Variants in EAF2 observed in about 807,000 individuals in gnomAD.
EAF2 encodes the protein ELL associated factor 2.
EAF2 carries 29 observed loss-of-function variants against 29.4 expected under a neutral mutation model. That is an observed-to-expected ratio of 0.99 (90% CI 0.73 to 1.35). The LOEUF is 1.35. Among genes scored for constraint, EAF2 ranks in the 40% most tolerant of loss-of-function variants. The pLI is 0.00. For synonymous variants in EAF2, 103 were observed against 102.5 expected, an observed-to-expected ratio of 1.00 and a Z score of -0.03; for missense variants, 292 against 312.0, an observed-to-expected ratio of 0.94 and a Z score of 0.48.
chr3:121,839,915 C>T (rs1031814608), intron 1 of EAF2, among the ~76,000 whole-genome samples: 6 of 152,250 alleles, frequency 3.9e-5, no homozygotes, highest in Admixed American at 2.0e-4. Flanking sequence ...AATAATAGGT[C>T]GGGCACCGTG....
intron 2 of EAF2, among the ~76,000 whole-genome samples, chr3:121,846,785 A>G (rs1009896021): frequency 6.6e-6 from 1 of 151,834 alleles, no homozygotes; most frequent in African/African-American, 2.4e-5. Context: ...CATCCCTTGC[A>G]TTGCTCTTCT....
intron 1 of EAF2, among the ~76,000 whole-genome samples, chr3:121,840,494 A>AAAAAAC (rs1708394154): frequency 8.3e-6 from 1 of 121,092 alleles, no homozygotes; most frequent in Non-Finnish European, 1.7e-5. Flanking sequence ...CGTCTAAAAA[A>AAAAAAC]AAAAAAAAAA....
chr3:121,835,233 T>A lies in EAF2; in HGVS notation c.-53T>A. ...CAAGTGCAGCTGCTTCAGGCTGAGGTGGCAGATAGTGAGCGCTGGTGGCGG... is the reference window on the plus strand; with the variant it reads ...CAAGTGCAGCTGCTTCAGGCTGAGGAGGCAGATAGTGAGCGCTGGTGGCGG... On this transcript the variant is annotated 5_prime_UTR_variant, in exon 1 of 6. Coordinates refer to ENST00000273668, the MANE Select transcript of EAF2 (RefSeq NM_018456.6). 6.5e-7 allele frequency: 1 copy of A among 1,547,752 alleles called. No individual in the cohort carries two copies. Among genetic ancestry groups the A allele is most frequent in the Non-Finnish European group, 8.9e-7 (1 of 1,120,150 alleles).
chr3:121,852,325 G>A (rs1708647822), intron 2 of EAF2, among the ~76,000 whole-genome samples: 1 of 152,038 alleles, frequency 6.6e-6, no homozygotes, highest in South Asian at 2.1e-4. Context: ...CTATTTTGGG[G>A]TATCTTACTT....
At chr3:121,841,731 C>T (rs1297662985) in intron 1 of EAF2, among the ~76,000 whole-genome samples, 2 of 151,270 alleles carry the variant, frequency 1.3e-5, no homozygotes, top group Admixed American at 6.6e-5. Flanking sequence ...AAAATAAGGC[C>T]GGGCGCAGTT....
intron 1 of EAF2, among the ~76,000 whole-genome samples, chr3:121,840,732 A>G (rs963546652): frequency 2.9e-5 from 4 of 136,584 alleles, no homozygotes; most frequent in African/African-American, 1.1e-4. Flanking sequence ...GCATGGACCC[A>G]GGAGCGGAAG....
chr3:121,880,835 C>G (rs1412888206), intron 5 of EAF2, among the ~76,000 whole-genome samples: 1 of 152,118 alleles, frequency 6.6e-6, no homozygotes, highest in African/African-American at 2.4e-5. Context: ...GGCTTTTCCC[C>G]ATTTAGTATA....
At chr3:121,846,956 C>T (rs987687039) in intron 2 of EAF2, among the ~76,000 whole-genome samples, 2 of 152,120 alleles carry the variant, frequency 1.3e-5, no homozygotes, top group Non-Finnish European at 2.9e-5. Context: ...TGTTTTCAAG[C>T]CTGTGAATTG....
intron 4 of EAF2, among the ~76,000 whole-genome samples, chr3:121,857,701 C>A (rs1576645723): frequency 6.6e-6 from 1 of 151,996 alleles, no homozygotes; most frequent in East Asian, 1.9e-4. Context: ...ACTTTAAGTT[C>A]TAGGGTACAT....
At chr3:121,836,913 C>A (rs774930637) in intron 1 of EAF2, 1 of 497,908 alleles carries the variant, frequency 2.0e-6, no homozygotes, top group Non-Finnish European at 2.6e-6. Context: ...GGGCACAAAT[C>A]CCAATTTAAA....
chr3:121,877,455 C>T (rs373907265), intron 5 of EAF2, among the ~76,000 whole-genome samples: 1 of 151,912 alleles, frequency 6.6e-6, no homozygotes, highest in South Asian at 2.1e-4. Flanking sequence ...AGAAATTTAC[C>T]TCTTACTAGG....
intron 5 of EAF2, 68 bp downstream of exon 5, chr3:121,872,856 C>T (rs1709040635): frequency 3.9e-6 from 6 of 1,546,076 alleles, no homozygotes; most frequent in Non-Finnish European, 4.3e-6. Context: ...TGATTGTGAC[C>T]TAATATTTGG....
At chr3:121,839,290 G>A (rs192315541) in intron 1 of EAF2, among the ~76,000 whole-genome samples, 1 of 152,174 alleles carries the variant, frequency 6.6e-6, no homozygotes, top group Non-Finnish European at 1.5e-5. Flanking sequence ...GGCAGCAGTT[G>A]GGTGGAGCAG....
chr3:121,880,178 C>T (rs959289908), intron 5 of EAF2, among the ~76,000 whole-genome samples: 3 of 151,842 alleles, frequency 2.0e-5, no homozygotes, highest in Non-Finnish European at 4.4e-5. Context: ...GGTCTTGCTC[C>T]GTTGCCCAGG....
At chr3:121,845,444 A>AG (rs1297756211) in intron 2 of EAF2, among the ~76,000 whole-genome samples, 14 of 143,594 alleles carry the variant, frequency 9.7e-5, no homozygotes, top group Non-Finnish European at 2.1e-4. Flanking sequence ...ACATCTCAAA[A>AG]AAAAAAAAAA....
intron 5 of EAF2, among the ~76,000 whole-genome samples, chr3:121,877,183 T>C (rs1709113596): frequency 6.6e-6 from 1 of 151,944 alleles, no homozygotes; most frequent in African/African-American, 2.4e-5. Flanking sequence ...TGTATGCATG[T>C]AATAACATAT....
chr3:121,873,649 T>C (rs577264593), intron 5 of EAF2, among the ~76,000 whole-genome samples: 6 of 152,000 alleles, frequency 3.9e-5, no homozygotes, highest in South Asian at 4.1e-4. Flanking sequence ...TAATTTCTTT[T>C]AATATAGAGG....
chr3:121,841,279 G>A (rs577699533), intron 1 of EAF2, among the ~76,000 whole-genome samples: 10 of 151,798 alleles, frequency 6.6e-5, no homozygotes, highest in Non-Finnish European at 1.3e-4. Context: ...GGAGGCGGGC[G>A]TATCACCTGA....
At chr3:121,884,967 A>G (rs988250670) in intron 5 of EAF2, among the ~76,000 whole-genome samples, 2 of 152,256 alleles carry the variant, frequency 1.3e-5, no homozygotes, top group East Asian at 3.8e-4. Flanking sequence ...TGTACGATCA[A>G]TGACTCTCAA....
Sources: allele counts gnomAD v4.1 joint callset (sites outside exome capture counted in the v4.1 genomes callset), GRCh38; gene constraint gnomAD v4.1.1; transcripts MANE v1.5; gene names NCBI Gene and HGNC (gene_info 2026-07-23, HGNC 2026-07-21).